The following PIWIL4 variants were observed in gnomAD, a reference collection of about 807,000 sequenced individuals.
The protein encoded by PIWIL4 is piwi like RNA-mediated gene silencing 4, also known as piwi-like protein 4.
A neutral mutation model predicts 100.9 loss-of-function variants in PIWIL4; 50 were observed. The ratio of observed to expected loss-of-function variants is 0.50; its 90% CI spans 0.39 to 0.63. The LOEUF (loss-of-function observed/expected upper bound fraction) is 0.63. Among genes scored for constraint, PIWIL4 ranks in the 20% least tolerant of loss-of-function variants. The pLI, the probability that PIWIL4 is intolerant of heterozygous loss-of-function variation, is 0.00. For synonymous variants in PIWIL4, 342 were observed against 367.5 expected (o/e 0.93, Z 0.79); for missense variants, 887 against 1,043.3 (o/e 0.85, Z 2.06).
At chr11:94,620,841 T>C in intron 19 of PIWIL4, 35 bp from the exon 20 acceptor site, 1 of 1,472,954 alleles carries the variant, frequency 6.8e-7, no homozygotes, top group Non-Finnish European at 9.5e-7. Flanking sequence ...AACAAGGTAA[T>C]CTCTTAATTA....
At chr11:94,574,265 A>T (rs1252701315) in intron 2 of PIWIL4, among the ~76,000 whole-genome samples, 1 of 152,206 alleles carries the variant, frequency 6.6e-6, no homozygotes, top group Non-Finnish European at 1.5e-5. Flanking sequence ...AACTGATGGC[A>T]ATGTTCTGGG....
chr11:94,579,503 C>T (rs1461030335), intron 4 of PIWIL4, among the ~76,000 whole-genome samples: 1 of 151,988 alleles, frequency 6.6e-6, no homozygotes, highest in East Asian at 1.9e-4. Context: ...AATCTTAGTC[C>T]CTTGGTTCAG....
At chr11:94,609,604 T>C (rs1317434929) in intron 15 of PIWIL4, among the ~76,000 whole-genome samples, 1 of 152,196 alleles carries the variant, frequency 6.6e-6, no homozygotes, top group African/African-American at 2.4e-5. Context: ...ACATCATTAA[T>C]CAAGTTGATA....
In PIWIL4 at chr11:94,588,535, T is replaced by C. The variant is rs192703218; in HGVS notation, c.915-586T>C. Among the ~76,000 whole-genome samples, 194 of 152,338 alleles carry C rather than the reference T, an allele frequency of 1.3e-3. 2 individuals carry two copies. The highest frequency in any genetic ancestry group is 4.4e-3 in the African/African-American group (184 of 41,580). On this transcript the variant is annotated intron_variant, in intron 7 of 19. Transcript: ENST00000299001. ...AATCAAAAGCTCTAGAGAAACCTGC[T>C]GTGGTAGTTTCTGCCCCTAGGCTAG...
At chr11:94,570,328 GT>G (rs1948133824) in intron 2 of PIWIL4, among the ~76,000 whole-genome samples, 1 of 151,860 alleles carries the variant, frequency 6.6e-6, no homozygotes, top group South Asian at 2.1e-4. Context: ...GACAGGGCTG[GT>G]TTCTTCTGAG....
At position 94,620,277 on chromosome 11, in the gene PIWIL4, G is replaced by C. The variant is rs1948891863; in HGVS notation, c.2442+133G>C. ...TTTCCTAAAGAAGGAATGAATGAAT[G>C]AATGAATCAATGAATGAATCACTTC... On this transcript the variant is annotated intron_variant, in intron 19 of 19. Coordinates refer to ENST00000299001, the MANE Select transcript of PIWIL4 (RefSeq NM_152431.3). 11 of 1,032,948 alleles carry C rather than the reference G, an allele frequency of 1.1e-5. No individual in the cohort carries two copies. The Admixed American group carries it at 1.5e-4, about 14-fold the overall frequency. 64.0% of individuals were successfully genotyped at this position (1,032,948 alleles called of 1,614,324 possible). A position where few individuals can be genotyped will look rare whatever the true frequency, so the allele number is the denominator to read the frequency against.
chr11:94,608,417 C>A (rs532902415), intron 14 of PIWIL4, 166 bp from the exon 15 acceptor site: 1 of 582,626 alleles, frequency 1.7e-6, no homozygotes, highest in South Asian at 2.2e-5. Flanking sequence ...AAGTCTCTCT[C>A]ATTTCTGGTT....
chr11:94,584,102 G>A (rs981282913), intron 5 of PIWIL4, among the ~76,000 whole-genome samples: 1 of 152,140 alleles, frequency 6.6e-6, no homozygotes, highest in African/African-American at 2.4e-5. Flanking sequence ...CGTCTTCTTA[G>A]GGGTGGAATG....
intron 10 of PIWIL4, among the ~76,000 whole-genome samples, chr11:94,596,829 A>C (rs1016307787): frequency 1.3e-5 from 2 of 152,178 alleles, no homozygotes; most frequent in Admixed American, 1.3e-4. Context: ...AATTAACTCA[A>C]AGGAATTAGT....
chr11:94,617,325 G>A (rs1191446012), intron 16 of PIWIL4, among the ~76,000 whole-genome samples: 1 of 150,048 alleles, frequency 6.7e-6, no homozygotes, highest in African/African-American at 2.5e-5. Context: ...CCCTCACATC[G>A]AAACCTGGTA....
At position 94,568,710 on chromosome 11, in the gene PIWIL4, AC is replaced by A. The variant is rs1286406413; in HGVS notation, c.88-19del. On this transcript the variant is annotated intron_variant, in intron 1 of 19. Coordinates refer to ENST00000299001, the MANE Select transcript of PIWIL4 (RefSeq NM_152431.3). ...ACTTACCATTGTAAATCTGAACAAAACTTTTTTTTGCCATTTTAGCCTAGAT... is the reference window on the plus strand; with the variant it reads ...ACTTACCATTGTAAATCTGAACAAAATTTTTTTTGCCATTTTAGCCTAGAT... 6 of 1,556,822 alleles carry A rather than the reference AC, an allele frequency of 3.9e-6. No homozygotes were observed. Among genetic ancestry groups the A allele is most frequent in the African/African-American group, 1.4e-5 (1 of 73,562 alleles).
At chr11:94,575,474 G>T (rs1171365839) in intron 3 of PIWIL4, among the ~76,000 whole-genome samples, 1 of 152,110 alleles carries the variant, frequency 6.6e-6, no homozygotes, top group African/African-American at 2.4e-5. Flanking sequence ...CTATTTGGGG[G>T]ATTCTTTACC....
intron 8 of PIWIL4, among the ~76,000 whole-genome samples, chr11:94,593,064 T>A (rs1374984204): frequency 6.6e-6 from 1 of 152,236 alleles, no homozygotes; most frequent in African/African-American, 2.4e-5. Flanking sequence ...CATGCTGTTT[T>A]GGGAAATCTG....
At chr11:94,600,825 G>T (rs1324921985) in intron 11 of PIWIL4, among the ~76,000 whole-genome samples, 1 of 152,110 alleles carries the variant, frequency 6.6e-6, no homozygotes, top group Admixed American at 6.5e-5. Context: ...TCTCAGGGAT[G>T]TTCCTTGCTG....
At chr11:94,582,412 TCA>T (rs1261880865) in intron 4 of PIWIL4, among the ~76,000 whole-genome samples, 7 of 134,966 alleles carry the variant, frequency 5.2e-5, no homozygotes, top group African/African-American at 2.5e-4. Context: ...TGTGAAAAGA[TCA>T]GTTTCTCTTT....
intron 2 of PIWIL4, among the ~76,000 whole-genome samples, chr11:94,569,457 C>A (rs985036605): frequency 1.3e-5 from 2 of 152,158 alleles, no homozygotes; most frequent in Non-Finnish European, 2.9e-5. Context: ...CAGCTCACCG[C>A]AACCTCCACC....
chr11:94,595,198 T>C, intron 9 of PIWIL4, 111 bp from the exon 10 acceptor site: 3 of 743,106 alleles, frequency 4.0e-6, no homozygotes, highest in Non-Finnish European at 6.6e-6. Context: ...TTCTATTGGA[T>C]GTGCTATACA....
intron 17 of PIWIL4, among the ~76,000 whole-genome samples, 192 bp downstream of exon 17, chr11:94,618,299 G>A (rs1021279502): frequency 6.6e-6 from 1 of 152,154 alleles, no homozygotes; most frequent in African/African-American, 2.4e-5. Context: ...AACATAAATA[G>A]CTTGGGTGGT....
In PIWIL4 at chr11:94,619,797, A is replaced by G. The variant is rs761996652; in HGVS notation, c.2206A>G (p.Met736Val). 3.7e-6 allele frequency: 6 copies of G among 1,614,166 alleles called. No individual in the cohort carries two copies. The highest frequency in any genetic ancestry group is 2.2e-5 in the South Asian group (2 of 91,074). The stretch of plus-strand genomic sequence containing the variant: ...GGTGATTGTGGTCAGGAAGAAGTGC[A>G]TGCCACGATTCTTTACCGAAATGAA... ...LSVIVVRKKC[M>V]PRFFTEMNRT... The change falls in exon 18 of 20, where the codon ATG becomes GTG. Residue 736 changes from methionine (M) to valine (V), a missense_variant. By Grantham distance (21) the Met-to-Val change is conservative. Coordinates refer to ENST00000299001, the MANE Select transcript of PIWIL4 (RefSeq NM_152431.3).
Sources: allele counts gnomAD v4.1 joint callset (sites outside exome capture counted in the v4.1 genomes callset), GRCh38; gene constraint gnomAD v4.1.1; transcripts MANE v1.5; gene names NCBI Gene and HGNC (gene_info 2026-07-23, HGNC 2026-07-21).